The following GOLIM4 variants were observed in gnomAD, a reference collection of about 807,000 sequenced individuals.
GOLIM4 encodes the protein 130 kDa golgi-localized phosphoprotein.
A neutral mutation model predicts 107.4 loss-of-function variants in GOLIM4; 71 were observed. The ratio of observed to expected loss-of-function variants is 0.66; its 90% CI spans 0.55 to 0.81. The LOEUF is 0.81. Among genes scored for constraint, GOLIM4 ranks in the 30% least tolerant of loss-of-function variants. The pLI is 0.00. For synonymous variants in GOLIM4, 327 were observed against 294.8 expected, an observed-to-expected ratio of 1.11 and a Z score of -1.12; for missense variants, 830 against 826.1, an observed-to-expected ratio of 1.00 and a Z score of -0.06.
At chr3:168,021,684 C>CA (rs147335386) in intron 14 of GOLIM4, among the ~76,000 whole-genome samples, 6,577 of 145,904 alleles carry the variant, frequency 0.045, 179 homozygotes, top group Non-Finnish European at 0.071. Flanking sequence ...AAACAAAAAA[C>CA]AAAAAAAAAA....
Position 168,044,898 on chromosome 3 carries a change from AAAAAG to A in GOLIM4, c.313-22_313-18del. On this transcript the variant is annotated intron_variant, in intron 3 of 15. Transcript: ENST00000470487. ...GGAATCTTGCTGTAAATCAAAAAAA[AAAAAG>A]AAAACACAAAGATAAATATGGCTCT... The A allele has an allele frequency of 6.7e-7, 1 of 1,499,006 alleles. No individual in the cohort carries two copies. The highest frequency in any genetic ancestry group is 9.1e-7 in the Non-Finnish European group (1 of 1,100,888). 92.9% of individuals were successfully genotyped at this position (1,499,006 alleles called of 1,614,324 possible). A position where few individuals can be genotyped will look rare whatever the true frequency, so the allele number is the denominator to read the frequency against.
chr3:168,076,734 T>C (rs897724095), intron 1 of GOLIM4, among the ~76,000 whole-genome samples: 1 of 152,212 alleles, frequency 6.6e-6, no homozygotes, highest in African/African-American at 2.4e-5. Context: ...GTTAATCATA[T>C]CATCTTTTGC....
chr3:168,055,119 T>C (rs1404383042), intron 1 of GOLIM4, among the ~76,000 whole-genome samples: 2 of 151,966 alleles, frequency 1.3e-5, no homozygotes, highest in African/African-American at 4.8e-5. Flanking sequence ...ACACAGTAAA[T>C]TGGTACCAGT....
intron 1 of GOLIM4, among the ~76,000 whole-genome samples, chr3:168,085,226 G>A (rs1721560068): frequency 6.6e-6 from 1 of 152,146 alleles, no homozygotes; most frequent in Non-Finnish European, 1.5e-5. Context: ...AGAAAAACAT[G>A]GTCTAAAGAC....
At chr3:168,092,347 G>A (rs1721956564) in intron 1 of GOLIM4, among the ~76,000 whole-genome samples, 1 of 152,102 alleles carries the variant, frequency 6.6e-6, no homozygotes, top group Non-Finnish European at 1.5e-5. Flanking sequence ...AGTGGAAGGG[G>A]TTTGCCTAGT....
intron 14 of GOLIM4, 92 bp downstream of exon 14, chr3:168,024,434 G>C (rs1717882653): frequency 2.1e-6 from 2 of 943,738 alleles, no homozygotes; most frequent in East Asian, 4.8e-5. Flanking sequence ...TTCTGTGGAA[G>C]GCATGTCAAA....
chr3:168,057,362 C>T (rs956516864), intron 1 of GOLIM4, among the ~76,000 whole-genome samples: 1 of 152,152 alleles, frequency 6.6e-6, no homozygotes, highest in Non-Finnish European at 1.5e-5. Flanking sequence ...TTAGTCTATT[C>T]TCATACTGCT....
chr3:168,089,940 G>A (rs765394682), intron 1 of GOLIM4, among the ~76,000 whole-genome samples: 2 of 151,976 alleles, frequency 1.3e-5, no homozygotes, highest in African/African-American at 4.8e-5. Flanking sequence ...GCTAATTTTT[G>A]TATTTTTAGT....
At position 168,009,255 on chromosome 3, in the gene GOLIM4, C is replaced by T. The variant is rs1716846524; in HGVS notation, c.*1014G>A. On this transcript the variant is annotated 3_prime_UTR_variant, in exon 16 of 16. Coordinates refer to ENST00000470487, the MANE Select transcript of GOLIM4 (RefSeq NM_014498.5). ...AAAAACCATAAGTCTATCATATCACCATATGTTTCACCATATAGTTTTGAA... is the reference window on the plus strand; with the variant it reads ...AAAAACCATAAGTCTATCATATCACTATATGTTTCACCATATAGTTTTGAA... 6.6e-6 allele frequency: 1 copy of T among 151,726 alleles called. No individual in the cohort carries two copies. Among genetic ancestry groups the T allele is most frequent in the Non-Finnish European group, 1.5e-5 (1 of 67,926 alleles). 9.4% of individuals were successfully genotyped at this position (151,726 alleles called of 1,614,324 possible).
chr3:168,064,543 C>T (rs983499078), intron 1 of GOLIM4, among the ~76,000 whole-genome samples: 21 of 151,800 alleles, frequency 1.4e-4, no homozygotes, highest in African/African-American at 4.8e-4. Context: ...TTGGCAACCT[C>T]TAAGTTTTTA....
At chr3:168,088,304 C>T (rs1365617486) in intron 1 of GOLIM4, among the ~76,000 whole-genome samples, 1 of 152,148 alleles carries the variant, frequency 6.6e-6, no homozygotes, top group Non-Finnish European at 1.5e-5. Flanking sequence ...ACTAATAACA[C>T]TCTTACCTAC....
chr3:168,079,229 T>C (rs1721218272), intron 1 of GOLIM4, among the ~76,000 whole-genome samples: 1 of 152,194 alleles, frequency 6.6e-6, no homozygotes, highest in Non-Finnish European at 1.5e-5. Context: ...GCTTACACAA[T>C]GGTAATAACA....
intron 1 of GOLIM4, among the ~76,000 whole-genome samples, chr3:168,076,541 A>G (rs1437428476): frequency 6.6e-6 from 1 of 152,178 alleles, no homozygotes; most frequent in Non-Finnish European, 1.5e-5. Flanking sequence ...AAAATACAAA[A>G]TTAGCTGGGC....
chr3:168,095,259 C>T lies in GOLIM4; in HGVS notation c.27G>A (p.Lys9=), dbSNP rs1246559197. The T allele has an allele frequency of 3.7e-6, 6 of 1,613,240 alleles. No homozygotes were observed. Among genetic ancestry groups the T allele is most frequent in the South Asian group, 3.3e-5 (3 of 91,052 alleles). The change falls in exon 1 of 16, where the codon AAG becomes AAA. Residue 9 remains lysine (K), a synonymous_variant. Transcript: ENST00000470487. MGNGMCSR[K]QKRIFQTLLL... ...GCAGCGTCTGGAAAATCCGCTTCTG[C>T]TTTCGGGAGCACATCCCGTTTCCCA...
intron 1 of GOLIM4, among the ~76,000 whole-genome samples, chr3:168,077,708 C>G (rs59296954): frequency 0.023 from 3,437 of 152,240 alleles, 144 homozygotes; most frequent in African/African-American, 0.079. Context: ...ATTTACCTCT[C>G]CTCAACTAAT....
chr3:168,034,807 TA>T (rs879154825), intron 8 of GOLIM4, among the ~76,000 whole-genome samples: 1 of 152,154 alleles, frequency 6.6e-6, no homozygotes, highest in Non-Finnish European at 1.5e-5. Context: ...CTGATCGTTT[TA>T]AAAAGAGGAG....
intron 14 of GOLIM4, among the ~76,000 whole-genome samples, chr3:168,017,587 AG>A (rs1213226657): frequency 6.6e-6 from 1 of 152,236 alleles, no homozygotes; most frequent in Non-Finnish European, 1.5e-5. Context: ...CTATGGAGGC[AG>A]GAACTGCCTG....
chr3:168,018,088 A>C (rs1469816408), intron 14 of GOLIM4, among the ~76,000 whole-genome samples: 1 of 152,224 alleles, frequency 6.6e-6, no homozygotes, highest in Admixed American at 6.5e-5. Flanking sequence ...TTTCAAAAAA[A>C]CTGCTGAACA....
Position 168,078,564 on chromosome 3 carries a change from A to G in GOLIM4, c.187+16535T>C, listed in dbSNP as rs533923221. On this transcript the variant is annotated intron_variant, in intron 1 of 15. Transcript: ENST00000470487. The stretch of plus-strand genomic sequence containing the variant: ...CAGCTAGTTTAACGACTCACTAGAT[A>G]TTTACATTAACTCTGTAATATTCCT... Among the ~76,000 whole-genome samples, 3 of 152,240 alleles carry G rather than the reference A, an allele frequency of 2.0e-5. No individual in the cohort carries two copies. In the East Asian group the frequency reaches 5.8e-4, roughly 29 times the overall value.
Sources: allele counts gnomAD v4.1 joint callset (sites outside exome capture counted in the v4.1 genomes callset), GRCh38; gene constraint gnomAD v4.1.1; transcripts MANE v1.5; gene names NCBI Gene and HGNC (gene_info 2026-07-23, HGNC 2026-07-21).